Variants in GALNT16 observed in about 807,000 individuals in gnomAD.
GALNT16 encodes UDP-GalNAc:polypeptide N-acetylgalactosaminyltransferase-like protein 1.
Under a neutral mutation model 76.1 loss-of-function variants are expected in GALNT16, and 40 were observed. The ratio of observed to expected loss-of-function variants is 0.53; its 90% confidence interval spans 0.41 to 0.68. The LOEUF is 0.68. Among genes scored for constraint, GALNT16 ranks in the 30% least tolerant of loss-of-function variants. The pLI is 0.00. For missense variants in GALNT16, 621 were observed against 731.9 expected (o/e 0.85, Z 1.75); for synonymous variants, 276 against 285.2 (o/e 0.97, Z 0.32).
intron 1 of GALNT16, among the ~76,000 whole-genome samples, chr14:69,316,539 G>A (rs1340433728): frequency 6.6e-6 from 1 of 152,212 alleles, no homozygotes; most frequent in African/African-American, 2.4e-5. Context: ...TCGGGTTGGG[G>A]TCACAGAGTT....
intron 12 of GALNT16, among the ~76,000 whole-genome samples, chr14:69,346,680 A>C (rs1291972809): frequency 6.6e-6 from 1 of 151,886 alleles, no homozygotes; most frequent in Non-Finnish European, 1.5e-5. Context: ...TCATTTTGGG[A>C]TTGATTATTG....
intron 12 of GALNT16, among the ~76,000 whole-genome samples, chr14:69,342,273 C>G (rs529059632): frequency 1.3e-4 from 19 of 151,890 alleles, no homozygotes; most frequent in Non-Finnish European, 2.1e-4. Context: ...CATAATGAGA[C>G]CTTGTCTCTA....
the GALNT16 span, among the ~76,000 whole-genome samples, chr14:69,381,225 G>A: frequency 1.8e-4 from 28 of 152,250 alleles, no homozygotes; most frequent in East Asian, 3.5e-3. Context: ...GCAGTGAGCC[G>A]AGATCGTGCC....
intron 1 of GALNT16, among the ~76,000 whole-genome samples, chr14:69,312,646 C>T (rs1421586281): frequency 6.6e-6 from 1 of 152,200 alleles, no homozygotes; most frequent in East Asian, 1.9e-4. Context: ...GGTCTGAGTA[C>T]ACAAACTCTT....
chr14:69,295,671 G>A lies in GALNT16; in HGVS notation c.178-25040G>A, dbSNP rs190459361. 8.5e-5 allele frequency among the ~76,000 whole-genome samples: 13 copies of A among 152,256 alleles called. No individual in the cohort carries two copies. The South Asian group carries it at 1.2e-3, about 15-fold the overall frequency. On this transcript the variant is annotated intron_variant, in intron 1 of 14. Coordinates refer to ENST00000448469, the MANE Select transcript of GALNT16 (RefSeq NM_001168368.2). The stretch of plus-strand genomic sequence containing the variant: ...GGGGGCAGAGGTTACAGTGAGCTGA[G>A]ATCGCACTACTGTACTCCAGCCTGG...
At chr14:69,278,681 A>G (rs2044503365) in intron 1 of GALNT16, among the ~76,000 whole-genome samples, 1 of 152,196 alleles carries the variant, frequency 6.6e-6, no homozygotes, top group African/African-American at 2.4e-5. Context: ...TTTTAGGTAA[A>G]AAATTGTCAA....
At chr14:69,273,892 G>C (rs1270852035) in intron 1 of GALNT16, among the ~76,000 whole-genome samples, 3 of 152,204 alleles carry the variant, frequency 2.0e-5, no homozygotes, top group African/African-American at 7.2e-5. Context: ...CTCTTTTTCT[G>C]TCTTTCCTCT....
chr14:69,305,127 C>G (rs2044912942), intron 1 of GALNT16, among the ~76,000 whole-genome samples: 1 of 113,744 alleles, frequency 8.8e-6, no homozygotes, highest in South Asian at 3.8e-4. Context: ...CTCACCAACA[C>G]TTGTCTTTTT....
At chr14:69,285,040 CTTT>C (rs11401674) in intron 1 of GALNT16, among the ~76,000 whole-genome samples, 2 of 127,474 alleles carry the variant, frequency 1.6e-5, no homozygotes, top group South Asian at 2.6e-4. Context: ...CTCGGGCACT[CTTT>C]TTTTTTTTTT....
At chr14:69,277,135 G>A (rs1045524649) in intron 1 of GALNT16, among the ~76,000 whole-genome samples, 1 of 152,214 alleles carries the variant, frequency 6.6e-6, no homozygotes, top group East Asian at 1.9e-4. Context: ...TAGTCAAAAT[G>A]GGTGTGTCTT....
At chr14:69,291,569 A>G (rs1022324296) in intron 1 of GALNT16, among the ~76,000 whole-genome samples, 3 of 152,144 alleles carry the variant, frequency 2.0e-5, no homozygotes, top group African/African-American at 7.2e-5. Flanking sequence ...CCAAGCCCTG[A>G]CCTTGAGCCA....
At chr14:69,355,774 C>T (rs1339589170), downstream of GALNT16, 2 of 152,212 alleles carry the variant, frequency 1.3e-5, no homozygotes, top group South Asian at 2.1e-4. Context: ...GGGAGCTGTT[C>T]CTGAGGATCC....
At chr14:69,376,098 G>A in the GALNT16 span, among the ~76,000 whole-genome samples, 478 of 151,958 alleles carry the variant, frequency 3.1e-3, 4 homozygotes, top group African/African-American at 0.011. Context: ...GTACAGTGAC[G>A]TGATCATAGC....
At chr14:69,280,061 C>G (rs2044519805) in intron 1 of GALNT16, among the ~76,000 whole-genome samples, 1 of 152,312 alleles carries the variant, frequency 6.6e-6, no homozygotes, top group South Asian at 2.1e-4. Flanking sequence ...ACTTTACCAT[C>G]TTAACCATTT....
At chr14:69,379,431 C>CAA in the GALNT16 span, among the ~76,000 whole-genome samples, 1 of 151,510 alleles carries the variant, frequency 6.6e-6, no homozygotes, top group Admixed American at 6.6e-5. Context: ...CATAAAACAA[C>CAA]AAAAAAAATA....
chr14:69,380,524 TG>T, the GALNT16 span: 1 of 1,128,680 alleles, frequency 8.9e-7, no homozygotes, highest in Non-Finnish European at 1.3e-6. Flanking sequence ...ACCCCCCCAG[TG>T]CTTCCAACAC....
the GALNT16 span, among the ~76,000 whole-genome samples, chr14:69,385,779 A>C: frequency 3.1e-3 from 477 of 152,278 alleles, 4 homozygotes; most frequent in African/African-American, 0.011. Context: ...GAAGTCACCA[A>C]AGACTTCCAC....
chr14:69,325,293 G>T (rs773984045), intron 3 of GALNT16, 44 bp from the exon 4 acceptor site: 7 of 1,253,776 alleles, frequency 5.6e-6, no homozygotes, highest in Non-Finnish European at 8.2e-6. Context: ...ATGGGAGGTG[G>T]TTCCTAAATC....
intron 7 of GALNT16, chr14:69,332,494 T>C (rs1477513437): frequency 6.5e-6 from 1 of 153,622 alleles, no homozygotes; most frequent in Non-Finnish European, 1.5e-5. Flanking sequence ...CAGAGAGTTC[T>C]ATGGAACTGT....
Sources: gnomAD v4.1 joint callset for allele counts (sites outside exome capture counted in the v4.1 genomes callset) on GRCh38, gnomAD v4.1.1 for gene constraint, MANE v1.5 for transcripts, NCBI Gene and HGNC (gene_info 2026-07-23, HGNC 2026-07-21) for gene names.